Variants in TGS1 observed in about 807,000 individuals in gnomAD.
TGS1 encodes trimethylguanosine synthase.
In TGS1, 69 loss-of-function variants were observed where a neutral mutation model predicts 92.2. That is an observed-to-expected ratio of 0.75 (90% CI 0.62 to 0.91). The LOEUF (loss-of-function observed/expected upper bound fraction) is 0.91. Among genes scored for constraint, TGS1 ranks in the 40% least tolerant of loss-of-function variants. TGS1 has a pLI of 0.00. For missense variants in TGS1, 1,062 were observed against 1,001.2 expected (o/e 1.06, Z -0.82); for synonymous variants, 345 against 338.1 (o/e 1.02, Z -0.22).
rs1803749671 is a variant in TGS1 at position 55,824,898 on chromosome 8, A to C, written c.*195A>C. ...AATAATTCCTTTAGAGGAATTATAC[A>C]AAATTAATATATATGAGTCCTTTGT... is the stretch of plus-strand genomic sequence containing the variant. On this transcript the variant is annotated 3_prime_UTR_variant, in exon 13 of 13. Transcript: ENST00000260129. 1 of 593,914 alleles carries C rather than the reference A, an allele frequency of 1.7e-6. No individual in the cohort carries two copies. Among genetic ancestry groups the C allele is most frequent in the South Asian group, 2.3e-5 (1 of 43,910 alleles). The allele number at this position is 593,914 out of a possible 1,614,324, so 36.8% of individuals were successfully genotyped here. A position where few individuals can be genotyped will look rare whatever the true frequency, so the allele number is the denominator to read the frequency against.
rs1420659382 is a variant in TGS1 at position 55,805,020 on chromosome 8, C to T, written c.2127C>T (p.Ala709=). 5 of 1,613,436 alleles carry T rather than the reference C, an allele frequency of 3.1e-6. No homozygotes were observed. In the African/African-American group the frequency reaches 6.7e-5, roughly 22 times the overall value. The change falls in exon 10 of 13, where the codon GCC becomes GCT. Residue 709 remains alanine (A), a synonymous_variant. Coordinates refer to ENST00000260129, the MANE Select transcript of TGS1 (RefSeq NM_024831.8). ...TTGGAGGAAATACCATTCAGTTTGC[C>T]TTAACAGGAATGAGAGGTAATTAGC... The part of the protein sequence containing the change: ...CGVGGNTIQF[A]LTGMRVIAID...
rs1332684535 is a variant in TGS1, at chr8:55,826,051, C to T, written c.*1348C>T. 2.6e-5 allele frequency among the ~76,000 whole-genome samples: 4 copies of T among 151,678 alleles called. No individual in the cohort carries two copies. The highest frequency in any genetic ancestry group is 2.9e-5 in the Non-Finnish European group (2 of 67,956). ...ATTTTTAGTAGCTATGGGGTTTCAC[C>T]GTGTTAGCCAGGATGGTCTCGATCT... On this transcript the variant is annotated 3_prime_UTR_variant, in exon 13 of 13. Coordinates refer to ENST00000260129, the MANE Select transcript of TGS1 (RefSeq NM_024831.8).
In TGS1 at chr8:55,786,456, C is replaced by T. The variant is rs761145063; in HGVS notation, c.558C>T (p.Asn186=). 1.9e-6 allele frequency: 3 copies of T among 1,613,908 alleles called. No individual in the cohort carries two copies. The East Asian group carries it at 6.7e-5, about 36-fold the overall frequency. Residue 186 remains asparagine, a synonymous_variant, in exon 4 of 13, where the codon AAC becomes AAT. Coordinates refer to ENST00000260129, the MANE Select transcript of TGS1 (RefSeq NM_024831.8). ...AGACAGAAAATCCTCCAGTTGAAAA[C>T]ACATTATCTCCAAAGCTAGAAATTA... ...DTETENPPVE[N]TLSPKLEITE...
chr8:55,788,710 C>T lies in TGS1; in HGVS notation c.1163-1472C>T, dbSNP rs564446755. Among the ~76,000 whole-genome samples the T allele has an allele frequency of 1.3e-4, 20 of 152,122 alleles. No individual in the cohort carries two copies. The East Asian group carries it at 2.5e-3, about 19-fold the overall frequency. The stretch of plus-strand genomic sequence containing the variant: ...AACTCCTGACCTCAAGTGATCCTCC[C>T]GCCTCAGCCTCCCAAAGTGCATAGG... On this transcript the variant is annotated intron_variant, in intron 4 of 12. Transcript: ENST00000260129.
At position 55,786,903 on chromosome 8, in the gene TGS1, A is replaced by T; in HGVS notation, c.1005A>T (p.Gln335His). ...KLNSEEVTQS[Q>H]LDSCTSHDGH... Reference sequence around the variant, plus strand: ...ATTCAGAGGAAGTAACACAGAGCCAATTAGATTCCTGTACAAGTCATGATG... The same window carrying T: ...ATTCAGAGGAAGTAACACAGAGCCATTTAGATTCCTGTACAAGTCATGATG... Residue 335 changes from glutamine (Q) to histidine (H), a missense_variant, in exon 4 of 13, where the codon CAA (glutamine) becomes CAT (histidine). Transcript: ENST00000260129. 1.2e-6 allele frequency: 2 copies of T among 1,614,200 alleles called. No individual in the cohort carries two copies. Among genetic ancestry groups the T allele is most frequent in the Non-Finnish European group, 1.7e-6 (2 of 1,180,016 alleles).
At chr8:55,795,867 G>C in intron 6 of TGS1, 111 bp from the exon 7 acceptor site, 1 of 792,870 alleles carries the variant, frequency 1.3e-6, no homozygotes, top group Non-Finnish European at 2.0e-6. Flanking sequence ...TTTAAAAAGG[G>C]AATTAAAATG....
In TGS1 at chr8:55,785,652, A is replaced by T. The variant is rs962762732; in HGVS notation, c.167-67A>T. 7.3e-6 allele frequency: 9 copies of T among 1,234,504 alleles called. No individual in the cohort carries two copies. The East Asian group carries it at 1.3e-4, about 18-fold the overall frequency. The allele number at this position is 1,234,504 out of a possible 1,614,324, so 76.5% of individuals were successfully genotyped here. A position where few individuals can be genotyped will look rare whatever the true frequency, so the allele number is the denominator to read the frequency against. On this transcript the variant is annotated intron_variant, in intron 2 of 12. Transcript: ENST00000260129. ...GTCACTCTGGATCTCAGGTTTTTTT[A>T]AATGAGAATAAGAAAACCTGCCTCT...
In TGS1 at chr8:55,799,023, A is replaced by G; in HGVS notation, c.1652A>G (p.Glu551Gly). The G allele has an allele frequency of 1.2e-6, 2 of 1,614,234 alleles. No individual in the cohort carries two copies. Among genetic ancestry groups the G allele is most frequent in the Non-Finnish European group, 1.7e-6 (2 of 1,180,036 alleles). The change falls in exon 8 of 13, where the codon GAA becomes GGA. Residue 551 changes from glutamate to glycine, a missense_variant. Coordinates refer to ENST00000260129, the MANE Select transcript of TGS1 (RefSeq NM_024831.8). The stretch of plus-strand genomic sequence containing the variant: ...GCTTCCACAAGTAGTGATTCAGAGG[A>G]ACAAGACATGTCTGTTAAAAAAGGT... ...HDASTSSDSE[E>G]QDMSVKKGDD... is the part of the protein sequence containing the mutation.
intron 2 of TGS1, among the ~76,000 whole-genome samples, chr8:55,785,129 A>G (rs543942423): frequency 2.0e-5 from 3 of 151,680 alleles, no homozygotes; most frequent in African/African-American, 7.3e-5. Flanking sequence ...CAGTGGCACA[A>G]TCTTGGCTCA....
rs774968241 is a variant in TGS1, at chr8:55,802,580, T to C, written c.1973T>C (p.Phe658Ser). 3.0e-5 allele frequency: 49 copies of C among 1,613,494 alleles called. No homozygotes were observed. The highest frequency in any genetic ancestry group is 4.0e-5 in the Non-Finnish European group (47 of 1,179,892). ...WAQRYRLFSR[F>S]DDGIKLDREG... Reference sequence around the variant, plus strand: ...CAGAGGTACAGGCTCTTCTCCCGTTTTGATGATGGGATTAAGTTGGACAGA... The same window carrying C: ...CAGAGGTACAGGCTCTTCTCCCGTTCTGATGATGGGATTAAGTTGGACAGA... The change falls in exon 9 of 13, where the codon TTT (phenylalanine) becomes TCT (serine). Residue 658 changes from phenylalanine to serine, a missense_variant. Physicochemically the swap from Phe to Ser is radical, Grantham distance 155. Transcript: ENST00000260129.
At chr8:55,776,277 CTTTT>C (rs71256565) in intron 1 of TGS1, among the ~76,000 whole-genome samples, 1 of 120,520 alleles carries the variant, frequency 8.3e-6, no homozygotes, top group African/African-American at 3.2e-5. Context: ...TTCACGGTGT[CTTTT>C]TTTTTTTTTT....
intron 8 of TGS1, among the ~76,000 whole-genome samples, chr8:55,801,548 A>G (rs1181790220): frequency 7.5e-6 from 1 of 133,924 alleles, no homozygotes; most frequent in Admixed American, 7.8e-5. Flanking sequence ...TGCTGGGATT[A>G]TAGGCATGAA....
In TGS1 at chr8:55,787,123, A is replaced by G. The variant is rs1174551592; in HGVS notation, c.1162+63A>G. The G allele has an allele frequency of 6.3e-6, 7 of 1,102,536 alleles. No individual in the cohort carries two copies. The African/African-American group carries it at 9.4e-5, about 15-fold the overall frequency. 68.3% of individuals were successfully genotyped at this position (1,102,536 alleles called of 1,614,324 possible). ...TAGCAAAATGAATTCATTTAGCAAA[A>G]TAACTACTAATCCTTTATTGTAGAG... On this transcript the variant is annotated intron_variant, in intron 4 of 12. Transcript: ENST00000260129.
chr8:55,792,903 A>G, intron 6 of TGS1, 119 bp downstream of exon 6: 1 of 666,408 alleles, frequency 1.5e-6, no homozygotes. Context: ...TCATTAAATC[A>G]CTTCTTGTTA....
chr8:55,824,034 T>C (rs1803725677), intron 12 of TGS1, among the ~76,000 whole-genome samples: 1 of 152,138 alleles, frequency 6.6e-6, no homozygotes, highest in Non-Finnish European at 1.5e-5. Flanking sequence ...GAGAATTGCT[T>C]GAACCCGGGA....
rs374456672 is a variant in TGS1 at position 55,808,921 on chromosome 8, A to G, written c.2144-1960A>G. ...AGTATCCCCGTAGGATAGTTGAGCT[A>G]ATGACATTATGGCAAGGAATTCAAA... On this transcript the variant is annotated intron_variant, in intron 10 of 12. Transcript: ENST00000260129. 2.0e-3 allele frequency among the ~76,000 whole-genome samples: 300 copies of G among 152,334 alleles called. 9 individuals are homozygous for G. The South Asian group carries it at 0.061, about 31-fold the overall frequency.
intron 12 of TGS1, among the ~76,000 whole-genome samples, chr8:55,819,568 G>A (rs1803578974): frequency 6.6e-6 from 1 of 151,822 alleles, no homozygotes; most frequent in South Asian, 2.1e-4. Context: ...AAAGTTCTGG[G>A]ATTACAGGTG....
At chr8:55,811,184 T>TG in intron 11 of TGS1, 87 bp downstream of exon 11, 5 of 123,350 alleles carry the variant, frequency 4.1e-5, no homozygotes, top group African/African-American at 6.6e-5. Context: ...TGTGGGTGGG[T>TG]GGGCAGGGTG....
At chr8:55,824,324 T>C (rs1803733851) in intron 12 of TGS1, among the ~76,000 whole-genome samples, 1 of 152,234 alleles carries the variant, frequency 6.6e-6, no homozygotes. Context: ...GCTATGGCAT[T>C]GGAGAGTTCA....
Sources: allele counts gnomAD v4.1 joint callset (sites outside exome capture counted in the v4.1 genomes callset), GRCh38; gene constraint gnomAD v4.1.1; transcripts MANE v1.5; gene names NCBI Gene and HGNC (gene_info 2026-07-23, HGNC 2026-07-21).